FRK: variants seen among roughly 807,000 people sequenced by gnomAD.
The protein encoded by FRK is fyn related Src family tyrosine kinase.
Under a neutral mutation model 56.4 loss-of-function variants are expected in FRK, and 51 were observed. That is an observed-to-expected ratio of 0.90 (90% CI 0.72 to 1.14). The LOEUF (loss-of-function observed/expected upper bound fraction) is 1.14. Among genes scored for constraint, FRK ranks in the 50% most tolerant of loss-of-function variants. The pLI is 0.00. For synonymous variants in FRK, 245 were observed against 217.9 expected, an observed-to-expected ratio of 1.12 and a Z score of -1.10; for missense variants, 570 against 601.4, an observed-to-expected ratio of 0.95 and a Z score of 0.55.
At chr6:115,989,328 A>C (rs1347145829) in intron 2 of FRK, among the ~76,000 whole-genome samples, 15 of 151,808 alleles carry the variant, frequency 9.9e-5, no homozygotes, top group Non-Finnish European at 1.5e-5. Flanking sequence ...GTACATATGC[A>C]GGTTTGTTAT....
At chr6:116,013,109 G>A (rs1293725881) in intron 1 of FRK, among the ~76,000 whole-genome samples, 3 of 152,108 alleles carry the variant, frequency 2.0e-5, no homozygotes, top group Non-Finnish European at 4.4e-5. Flanking sequence ...TCATAAATGA[G>A]AAATTTTGAA....
At chr6:116,090,456 G>C in the FRK span, among the ~76,000 whole-genome samples, 1 of 152,184 alleles carries the variant, frequency 6.6e-6, no homozygotes, top group African/African-American at 2.4e-5. Context: ...GGTTTCCTGT[G>C]ATTGCAAGAT....
chr6:116,018,565 C>G (rs1775741467), intron 1 of FRK, among the ~76,000 whole-genome samples: 1 of 152,130 alleles, frequency 6.6e-6, no homozygotes, highest in Non-Finnish European at 1.5e-5. Context: ...TGTTTGCTCT[C>G]TTACAAAGTG....
chr6:115,996,502 TC>T (rs907546427), intron 2 of FRK, among the ~76,000 whole-genome samples: 1 of 152,066 alleles, frequency 6.6e-6, no homozygotes, highest in Non-Finnish European at 1.5e-5. Flanking sequence ...TCTACAAAAG[TC>T]TTATTACCTG....
intron 2 of FRK, among the ~76,000 whole-genome samples, chr6:115,996,615 A>G (rs1774851168): frequency 6.6e-6 from 1 of 152,160 alleles, no homozygotes; most frequent in African/African-American, 2.4e-5. Context: ...CCAGACTTCT[A>G]AGGTTTAAGG....
chr6:116,014,928 A>AT (rs1208154056), intron 1 of FRK, among the ~76,000 whole-genome samples: 1 of 152,082 alleles, frequency 6.6e-6, no homozygotes, highest in Non-Finnish European at 1.5e-5. Context: ...GAGTACATGC[A>AT]TTTTTTTCCG....
chr6:115,944,290 T>C lies in FRK; in HGVS notation c.1094A>G (p.His365Arg), dbSNP rs200726682. 1.7e-5 allele frequency: 28 copies of C among 1,612,922 alleles called. No individual in the cohort carries two copies. The African/African-American group carries it at 2.9e-4, about 17-fold the overall frequency. The change falls in exon 6 of 8, where the codon CAT (histidine) becomes CGT (arginine). Residue 365 changes from histidine to arginine, a missense_variant. His to Arg is a conservative substitution (Grantham distance 29). Coordinates refer to ENST00000606080, the MANE Select transcript of FRK (RefSeq NM_002031.3). ...LAARNVLVGEHNIYKVADFGL... is the reference protein window; with the variant it reads ...LAARNVLVGERNIYKVADFGL... ...AAAATCTGCTACTTTGTAGATATTA[T>C]GTTCACCAACGAGGACATTTCTGGC...
chr6:116,069,056 C>T, the FRK span, among the ~76,000 whole-genome samples: 2 of 152,112 alleles, frequency 1.3e-5, no homozygotes, highest in Admixed American at 6.6e-5. Flanking sequence ...TATAGTTATC[C>T]ATGGTTTACC....
the FRK span, among the ~76,000 whole-genome samples, chr6:116,069,511 C>T: frequency 3.3e-5 from 5 of 152,160 alleles, no homozygotes; most frequent in African/African-American, 1.2e-4. Context: ...TGGCTCACAC[C>T]TGCAATCCCA....
chr6:116,017,007 C>T (rs1017466149), intron 1 of FRK, among the ~76,000 whole-genome samples: 2 of 152,160 alleles, frequency 1.3e-5, no homozygotes, highest in Admixed American at 6.5e-5. Context: ...AAAAGGAAGG[C>T]TCTGCCTGCA....
chr6:115,958,689 AAAGAAAGAAAGAAAG>A (rs1562257257), intron 4 of FRK, among the ~76,000 whole-genome samples: 56 of 4,408 alleles, frequency 0.013, 8 homozygotes, highest in Admixed American at 0.017. Flanking sequence ...AGAAAGAAAG[AAAGAAAGAAAGAAAG>A]AAGAAAGAAA....
intron 1 of FRK, among the ~76,000 whole-genome samples, chr6:116,015,037 G>A (rs774284570): frequency 6.6e-6 from 1 of 152,014 alleles, no homozygotes; most frequent in Non-Finnish European, 1.5e-5. Flanking sequence ...GTATTTACAC[G>A]AGCTGGTGCC....
At chr6:116,007,923 A>G (rs187245514) in intron 1 of FRK, among the ~76,000 whole-genome samples, 89 of 152,324 alleles carry the variant, frequency 5.8e-4, no homozygotes, top group Non-Finnish European at 9.1e-4. Flanking sequence ...TTTACTTCTA[A>G]GTATGTTTTT....
At chr6:115,984,079 G>A (rs1774304488) in intron 2 of FRK, among the ~76,000 whole-genome samples, 1 of 152,004 alleles carries the variant, frequency 6.6e-6, no homozygotes, top group Non-Finnish European at 1.5e-5. Context: ...GCCCAGCTCA[G>A]GCATCTCCTC....
the FRK span, among the ~76,000 whole-genome samples, chr6:116,091,816 T>G: frequency 3.3e-5 from 5 of 152,236 alleles, no homozygotes; most frequent in South Asian, 1.0e-3. Flanking sequence ...CAGCTTCCAC[T>G]TTTCCTGTAC....
chr6:116,053,817 G>C lies in FRK; in HGVS notation c.344+6151C>G, dbSNP rs1777271713. Among the ~76,000 whole-genome samples the C allele has an allele frequency of 2.0e-5, 3 of 151,972 alleles. No homozygotes were observed. In the South Asian group the frequency reaches 6.2e-4, roughly 32 times the overall value. On this transcript the variant is annotated intron_variant, in intron 1 of 7. Transcript: ENST00000606080. ...GAAATTTTAAAGTATTATCAATGTTGCTACTTTTCCTAGAAAAGACTCCTA... is the reference window on the plus strand; with the variant it reads ...GAAATTTTAAAGTATTATCAATGTTCCTACTTTTCCTAGAAAAGACTCCTA...
chr6:115,980,893 T>C (rs1774174934), intron 2 of FRK, among the ~76,000 whole-genome samples: 1 of 152,148 alleles, frequency 6.6e-6, no homozygotes, highest in Admixed American at 6.6e-5. Context: ...TTCTAAACTG[T>C]GATAATTATC....
chr6:115,960,084 G>GC (rs1221686486), intron 4 of FRK, among the ~76,000 whole-genome samples: 2 of 152,148 alleles, frequency 1.3e-5, no homozygotes, highest in Non-Finnish European at 2.9e-5. Context: ...ACAGCTCCCA[G>GC]CGTGAGCGAC....
chr6:115,946,290 T>G (rs1772449242), intron 5 of FRK, among the ~76,000 whole-genome samples: 1 of 152,156 alleles, frequency 6.6e-6, no homozygotes, highest in Admixed American at 6.6e-5. Context: ...ATGCCTGATA[T>G]TTCTTTGTGA....
Sources: allele counts gnomAD v4.1 joint callset (sites outside exome capture counted in the v4.1 genomes callset), GRCh38; gene constraint gnomAD v4.1.1; transcripts MANE v1.5; gene names NCBI Gene and HGNC (gene_info 2026-07-23, HGNC 2026-07-21).